Variants in MEGF6 observed in about 807,000 individuals in gnomAD.
MEGF6 encodes the protein multiple EGF like domains 6, also known as multiple epidermal growth factor-like domains protein 6.
Under a neutral mutation model 207.1 loss-of-function variants are expected in MEGF6, and 184 were observed. That is an observed-to-expected ratio of 0.89 (90% CI 0.79 to 1.00). MEGF6 has a LOEUF of 1.00. MEGF6 is among the 50% of genes least tolerant of loss of function. MEGF6 has a pLI of 0.00. For synonymous variants in MEGF6, 1,038 were observed against 910.0 expected (o/e 1.14, Z -2.53); for missense variants, 2,282 against 2,202.9 (o/e 1.04, Z -0.72).
intron 17 of MEGF6, 21 bp from the exon 18 acceptor site, chr1:3,501,942 G>A (rs1345103811): frequency 6.6e-6 from 10 of 1,508,596 alleles, no homozygotes; most frequent in South Asian, 1.1e-5. Flanking sequence ...AAGCACGAGG[G>A]GCCTTAGCCG....
chr1:3,544,201 C>T (rs183560694), intron 4 of MEGF6, among the ~76,000 whole-genome samples: 257 of 149,662 alleles, frequency 1.7e-3, no homozygotes, highest in African/African-American at 6.0e-3. Context: ...CCTCTCCCCC[C>T]AGCGTCGCAG....
intron 4 of MEGF6, among the ~76,000 whole-genome samples, chr1:3,529,990 C>T (rs550526391): frequency 1.3e-5 from 2 of 152,346 alleles, no homozygotes; most frequent in Non-Finnish European, 2.9e-5. Flanking sequence ...ACCTATGGGC[C>T]CTTCTCCTCT....
the MEGF6 span, among the ~76,000 whole-genome samples, chr1:3,621,455 A>T: frequency 9.2e-5 from 14 of 152,368 alleles, no homozygotes; most frequent in Non-Finnish European, 1.6e-4. Context: ...TTATGATTGT[A>T]GAGCGAGGAT....
the MEGF6 span, among the ~76,000 whole-genome samples, chr1:3,618,599 C>A: frequency 7.2e-4 from 109 of 152,256 alleles, no homozygotes; most frequent in Non-Finnish European, 1.2e-3. This position sits in a 1 kb window ranked among gnomAD's most constrained non-coding sequence, Gnocchi z 4.7. Context: ...TCCGAAAGGC[C>A]CCTTCCCCGC....
the MEGF6 span, among the ~76,000 whole-genome samples, chr1:3,617,917 A>G: frequency 6.6e-6 from 1 of 152,166 alleles, no homozygotes; most frequent in Non-Finnish European, 1.5e-5. Flanking sequence ...GTCCTCGGTC[A>G]CTTGTTACAG....
chr1:3,511,513 A>C, intron 9 of MEGF6, 37 bp downstream of exon 9: 1 of 1,574,854 alleles, frequency 6.3e-7, no homozygotes, highest in South Asian at 1.1e-5. Context: ...GGGTCCCTGG[A>C]GTGGGGTGCA....
intron 17 of MEGF6, among the ~76,000 whole-genome samples, chr1:3,504,947 C>T (rs1258327617): frequency 6.6e-6 from 1 of 152,174 alleles, no homozygotes; most frequent in Non-Finnish European, 1.5e-5. Context: ...CTGGCCCCTC[C>T]CCAGGTCAGG....
the MEGF6 span, among the ~76,000 whole-genome samples, chr1:3,618,927 G>A: frequency 6.6e-6 from 1 of 152,216 alleles, no homozygotes; most frequent in Non-Finnish European, 1.5e-5. The surrounding 1 kb of genome is among the most constrained non-coding windows in gnomAD (Gnocchi z 4.7). Context: ...CCGGCACCTA[G>A]AGGACACAAA....
In MEGF6 at chr1:3,514,543, G is replaced by A. The variant is rs746981703; in HGVS notation, c.853+7C>T. On this transcript the variant is annotated splice_region_variant and intron_variant, in intron 7 of 36. Coordinates refer to ENST00000356575, the MANE Select transcript of MEGF6 (RefSeq NM_001409.4). ...GGGCGGGGCGGAGCAGGGGAGGGGC[G>A]TCCTACCTTCACAGGCCTTGCCGTC... 37 of 1,588,514 alleles carry A rather than the reference G, an allele frequency of 2.3e-5. No individual in the cohort carries two copies. The African/African-American group carries it at 2.5e-4, about 11-fold the overall frequency.
At chr1:3,524,014 T>C (rs897056373) in intron 5 of MEGF6, 110 bp downstream of exon 5, 103 of 1,303,886 alleles carry the variant, frequency 7.9e-5, no homozygotes, top group Non-Finnish European at 7.8e-5. Flanking sequence ...CAGAGCGGCC[T>C]CTGCCTCTCC....
rs116730084 is a variant in MEGF6, at chr1:3,573,484, G to A, written c.481+6341C>T. ...CAGGGTCAGGTTAACCCGAGGCCAC[G>A]TCCACAGGACAAAGCTGAGATGCCT... On this transcript the variant is annotated intron_variant, in intron 4 of 36. Transcript: ENST00000356575. This position sits in a 1 kb window ranked among gnomAD's most constrained non-coding sequence, Gnocchi z 5.1. 4.6e-3 allele frequency among the ~76,000 whole-genome samples: 700 copies of A among 152,328 alleles called. 10 individuals are homozygous for A. Among genetic ancestry groups the A allele is most frequent in the African/African-American group, 0.015 (643 of 41,564 alleles).
At chr1:3,603,863 C>T (rs988736241) in intron 1 of MEGF6, among the ~76,000 whole-genome samples, 1 of 152,244 alleles carries the variant, frequency 6.6e-6, no homozygotes, top group Non-Finnish European at 1.5e-5. Context: ...GATGGAGGCT[C>T]TTGCAATGGA....
chr1:3,620,070 C>G, the MEGF6 span, among the ~76,000 whole-genome samples: 596 of 152,294 alleles, frequency 3.9e-3, 7 homozygotes, highest in African/African-American at 0.013. Flanking sequence ...TGTCCCTGCC[C>G]TAGAGATCCG....
chr1:3,611,182 G>A lies in MEGF6; in HGVS notation c.87C>T (p.Gly29=). ...GCAGGGGCCGCGGCGGAACGCTGGC[G>A]CCCACGGGCACGGCGGGGAGCAGCA... ...VLLLLPAVPV[G]ASVPPRPLLP... The change falls in exon 1 of 37, where the codon GGC becomes GGT. Residue 29 remains glycine, a synonymous_variant. Coordinates refer to ENST00000356575, the MANE Select transcript of MEGF6 (RefSeq NM_001409.4). The A allele has an allele frequency of 1.3e-6, 2 of 1,551,358 alleles. No individual in the cohort carries two copies. The highest frequency in any genetic ancestry group is 1.2e-5 in the South Asian group (1 of 86,366).
At chr1:3,599,062 G>A (rs1644119017) in intron 2 of MEGF6, among the ~76,000 whole-genome samples, 1 of 152,190 alleles carries the variant, frequency 6.6e-6, no homozygotes, top group Admixed American at 6.5e-5. Context: ...GCCTGAGGCA[G>A]GCAGCAGGCT....
chr1:3,578,972 A>G (rs2101747364), intron 4 of MEGF6, among the ~76,000 whole-genome samples: 2 of 152,292 alleles, frequency 1.3e-5, no homozygotes, highest in Middle Eastern at 6.8e-3. Context: ...ATTTCCTCGA[A>G]TCGCTTCCTG....
rs781174595 is a variant in MEGF6, at chr1:3,501,882, G to A, written c.2228C>T (p.Ser743Phe). ...VGTFGVNCSS[S>F]CSCGGAPCHG... ...GCAGGGGGCCCCCCCACAGGAGCAG[G>A]AGCTCGAGCAGTTCACGCCAAACGT... is the stretch of plus-strand genomic sequence containing the variant. Residue 743 changes from serine to phenylalanine, a missense_variant, in exon 18 of 37, where the codon TCC (serine) becomes TTC (phenylalanine). Ser to Phe is a radical substitution (Grantham distance 155). Coordinates refer to ENST00000356575, the MANE Select transcript of MEGF6 (RefSeq NM_001409.4). 24 of 1,609,344 alleles carry A rather than the reference G, an allele frequency of 1.5e-5. No individual in the cohort carries two copies. The highest frequency in any genetic ancestry group is 2.0e-5 in the Non-Finnish European group (24 of 1,178,668).
rs542462795 is a variant in MEGF6 at position 3,596,443 on chromosome 1, G to A, written c.267-996C>T. Among the ~76,000 whole-genome samples the A allele has an allele frequency of 9.2e-5, 13 of 141,676 alleles. No homozygotes were observed. The South Asian group carries it at 1.8e-3, about 19-fold the overall frequency. The allele number at this position is 141,676 out of a possible 152,430, so 92.9% of individuals were successfully genotyped here. ...GCCCGGCCACCTCAGGGCACCCTGC[G>A]CCATCCCCTGCCAAGCCCCCATCTC... On this transcript the variant is annotated intron_variant, in intron 2 of 36. Coordinates refer to ENST00000356575, the MANE Select transcript of MEGF6 (RefSeq NM_001409.4).
intron 7 of MEGF6, among the ~76,000 whole-genome samples, chr1:3,512,823 T>C (rs936288024): frequency 2.0e-5 from 3 of 152,178 alleles, no homozygotes; most frequent in Non-Finnish European, 4.4e-5. Context: ...ACTAATACCA[T>C]TGGAAACTGA....
Sources: gnomAD v4.1 joint callset for allele counts (sites outside exome capture counted in the v4.1 genomes callset) on GRCh38, gnomAD v4.1.1 for gene constraint, Gnocchi (gnomAD v3.1) non-coding constraint, MANE v1.5 for transcripts, NCBI Gene and HGNC (gene_info 2026-07-23, HGNC 2026-07-21) for gene names.